Variants in ZFPM2 observed in about 807,000 individuals in gnomAD.
ZFPM2 encodes zinc finger protein, FOG family member 2, also known as zinc finger protein ZFPM2.
ZFPM2 carries 20 observed loss-of-function variants against 98.6 expected under a neutral mutation model. The ratio of observed to expected loss-of-function variants is 0.20; its 90% CI spans 0.14 to 0.29. The LOEUF (loss-of-function observed/expected upper bound fraction) is 0.29, where lower values mean the gene tolerates loss of function less well. Among genes scored for constraint, ZFPM2 ranks in the 10% least tolerant of loss-of-function variants. The pLI, the probability that ZFPM2 is intolerant of heterozygous loss-of-function variation, is 1.00. For synonymous variants in ZFPM2, 518 were observed against 502.7 expected (o/e 1.03, Z -0.41); for missense variants, 1,310 against 1,388.6 (o/e 0.94, Z 0.90).
At chr8:105,480,426 T>C (rs551198661) in intron 3 of ZFPM2, among the ~76,000 whole-genome samples, 1 of 152,314 alleles carries the variant, frequency 6.6e-6, no homozygotes, top group East Asian at 1.9e-4. Context: ...CAATCTCAGG[T>C]ATTGTCACCA....
chr8:105,461,812 A>G (rs1215691656), intron 3 of ZFPM2, among the ~76,000 whole-genome samples: 1 of 152,168 alleles, frequency 6.6e-6, no homozygotes, highest in Non-Finnish European at 1.5e-5. Context: ...ATCTTGACCA[A>G]TCAGGAAACT....
chr8:105,376,015 A>G (rs1810718257), intron 1 of ZFPM2, among the ~76,000 whole-genome samples: 1 of 152,096 alleles, frequency 6.6e-6, no homozygotes, highest in Non-Finnish European at 1.5e-5. Context: ...TGTTGTCTCT[A>G]GTCTTGTTTC....
At chr8:105,426,210 A>G (rs1365158859) in intron 2 of ZFPM2, among the ~76,000 whole-genome samples, 1 of 152,176 alleles carries the variant, frequency 6.6e-6, no homozygotes, top group Non-Finnish European at 1.5e-5. Flanking sequence ...TCAGCTCTTT[A>G]AATTCTTGCA....
chr8:105,495,687 G>A (rs760119538), intron 3 of ZFPM2, among the ~76,000 whole-genome samples: 1 of 152,010 alleles, frequency 6.6e-6, no homozygotes, highest in Non-Finnish European at 1.5e-5. Flanking sequence ...TTTATTGTGG[G>A]TGCCCTTTTT....
chr8:105,371,996 AAT>A lies in ZFPM2; in HGVS notation c.41-47146_41-47145del, dbSNP rs1810629985. On this transcript the variant is annotated intron_variant, in intron 1 of 7. Transcript: ENST00000407775. ...TTCAAATGGTTCACAAAATGATAAA[AAT>A]AGTGAAATTATTATTATTATTATTA... is the stretch of plus-strand genomic sequence containing the variant. Among the ~76,000 whole-genome samples the A allele has an allele frequency of 4.0e-5, 6 of 149,364 alleles. No homozygotes were observed. In the East Asian group the frequency reaches 1.2e-3, roughly 30 times the overall value.
rs1273942882 is a variant in ZFPM2, at chr8:105,595,922, A to T, written c.420+34441A>T. Among the ~76,000 whole-genome samples, 9 of 151,994 alleles carry T rather than the reference A, an allele frequency of 5.9e-5. No individual in the cohort carries two copies. In the South Asian group the frequency reaches 1.5e-3, roughly 25 times the overall value. ...GCTAACATCTTATAATTGACTTCCAATATCATCTAAAATCTATGTGTATTT... is the reference window on the plus strand; with the variant it reads ...GCTAACATCTTATAATTGACTTCCATTATCATCTAAAATCTATGTGTATTT... On this transcript the variant is annotated intron_variant, in intron 4 of 7. Coordinates refer to ENST00000407775, the MANE Select transcript of ZFPM2 (RefSeq NM_012082.4).
intron 5 of ZFPM2, among the ~76,000 whole-genome samples, chr8:105,647,532 C>G (rs1362609595): frequency 6.0e-5 from 9 of 149,694 alleles, no homozygotes; most frequent in Non-Finnish European, 1.2e-4. Context: ...CCCGCCCCCC[C>G]CCACCCCACA....
intron 5 of ZFPM2, among the ~76,000 whole-genome samples, chr8:105,645,678 C>T (rs1817028291): frequency 1.3e-5 from 2 of 152,146 alleles, no homozygotes; most frequent in South Asian, 4.1e-4. Context: ...AAAACAGATA[C>T]TTTGAGGGTG....
At chr8:105,608,167 G>A (rs1231641434) in intron 4 of ZFPM2, among the ~76,000 whole-genome samples, 2 of 152,008 alleles carry the variant, frequency 1.3e-5, no homozygotes, top group Non-Finnish European at 2.9e-5. Context: ...ACGGACACTG[G>A]GGACTACTTG....
chr8:105,520,616 C>T (rs1428355825), intron 3 of ZFPM2, among the ~76,000 whole-genome samples: 5 of 151,818 alleles, frequency 3.3e-5, no homozygotes, highest in Admixed American at 1.3e-4. Flanking sequence ...TAGATAGGCA[C>T]GTGCATAGGA....
intron 5 of ZFPM2, among the ~76,000 whole-genome samples, chr8:105,655,637 C>T (rs1224926096): frequency 2.0e-5 from 3 of 152,152 alleles, no homozygotes; most frequent in Admixed American, 6.5e-5. Flanking sequence ...ATCATTAAAA[C>T]GCTTTATCAT....
chr8:105,444,421 G>A (rs758411948), intron 3 of ZFPM2, 40 bp downstream of exon 3: 6 of 1,455,066 alleles, frequency 4.1e-6, no homozygotes, highest in African/African-American at 2.9e-5. Flanking sequence ...CTTTAGTACT[G>A]TTAGAAATAC....
At position 105,693,224 on chromosome 8, in the gene ZFPM2, G is replaced by T. The variant is rs74943281; in HGVS notation, c.532+58867G>T. The stretch of plus-strand genomic sequence containing the variant: ...TGGAGAGAACCAGTGATTCTTGGAT[G>T]AGCAAATAAGTTAATGGAGTAACAG... On this transcript the variant is annotated intron_variant, in intron 5 of 7. Coordinates refer to ENST00000407775, the MANE Select transcript of ZFPM2 (RefSeq NM_012082.4). Among the ~76,000 whole-genome samples the T allele has an allele frequency of 7.7e-4, 118 of 152,292 alleles. 1 individual carries two copies. Among genetic ancestry groups the T allele is most frequent in the African/African-American group, 2.8e-3 (117 of 41,560 alleles).
At chr8:105,567,273 C>A (rs779884669) in intron 4 of ZFPM2, among the ~76,000 whole-genome samples, 2 of 152,156 alleles carry the variant, frequency 1.3e-5, no homozygotes, top group African/African-American at 2.4e-5. Context: ...GACTTTTCTA[C>A]CTGAGCACTT....
intron 3 of ZFPM2, among the ~76,000 whole-genome samples, chr8:105,535,889 T>C (rs73306206): frequency 0.097 from 14,815 of 152,202 alleles, 1,053 homozygotes; most frequent in African/African-American, 0.21. Context: ...AAATTAGGAA[T>C]TTGATCTTAC....
intron 5 of ZFPM2, among the ~76,000 whole-genome samples, chr8:105,685,251 C>A (rs1810705668): frequency 6.6e-6 from 1 of 152,020 alleles, no homozygotes; most frequent in African/African-American, 2.4e-5. Flanking sequence ...TCAATTTTAA[C>A]TAATTTAAAT....
At chr8:105,734,011 G>A (rs960783845) in intron 5 of ZFPM2, among the ~76,000 whole-genome samples, 3 of 151,842 alleles carry the variant, frequency 2.0e-5, no homozygotes, top group Non-Finnish European at 4.4e-5. Flanking sequence ...CATTAGGAAG[G>A]AGCTATGTTT....
chr8:105,402,102 A>G (rs1311255034), intron 1 of ZFPM2, among the ~76,000 whole-genome samples: 1 of 152,100 alleles, frequency 6.6e-6, no homozygotes, highest in Non-Finnish European at 1.5e-5. Context: ...CCAAAGTACT[A>G]TAATTTTCAT....
At chr8:105,704,131 C>G (rs1236144931) in intron 5 of ZFPM2, among the ~76,000 whole-genome samples, 1 of 152,118 alleles carries the variant, frequency 6.6e-6, no homozygotes, top group African/African-American at 2.4e-5. Context: ...CTCTCTCTCT[C>G]TCAACATTTG....
Sources: gnomAD v4.1 joint callset for allele counts (sites outside exome capture counted in the v4.1 genomes callset) on GRCh38, gnomAD v4.1.1 for gene constraint, MANE v1.5 for transcripts, NCBI Gene and HGNC (gene_info 2026-07-23, HGNC 2026-07-21) for gene names.